PCDHGB3: variants seen among roughly 807,000 people sequenced by gnomAD.
The protein encoded by PCDHGB3 is protocadherin gamma subfamily B, 3.
A neutral mutation model predicts 59.2 loss-of-function variants in PCDHGB3; 40 were observed. The observed-to-expected ratio is 0.68, with a 90% CI of 0.52 to 0.88. The LOEUF is 0.88. Among genes scored for constraint, PCDHGB3 ranks in the 40% least tolerant of loss-of-function variants. The pLI is 0.00. For synonymous variants in PCDHGB3, 581 were observed against 503.6 expected, an observed-to-expected ratio of 1.15 and a Z score of -2.06; for missense variants, 1,309 against 1,187.9, an observed-to-expected ratio of 1.10 and a Z score of -1.50.
chr5:141,409,047 G>A, intron 1 of PCDHGB3: 1 of 1,613,982 alleles, frequency 6.2e-7, no homozygotes, highest in Non-Finnish European at 8.5e-7. Context: ...TACTACTTCC[G>A]AAGCACTGCC....
chr5:141,383,584 C>T, intron 1 of PCDHGB3: 2 of 1,613,678 alleles, frequency 1.2e-6, no homozygotes, highest in Non-Finnish European at 1.7e-6. Flanking sequence ...CGCCCACATC[C>T]AGGTGACAGT....
intron 1 of PCDHGB3, chr5:141,416,359 A>G (rs1215806118): frequency 6.6e-6 from 1 of 152,228 alleles, no homozygotes; most frequent in Non-Finnish European, 1.5e-5. Flanking sequence ...TGAGGAGGCT[A>G]TAGAGGGTGA....
rs1406362621 is a variant in PCDHGB3, at chr5:141,477,099, G to A, written c.2416-17708G>A. On this transcript the variant is annotated intron_variant, in intron 1 of 3. Transcript: ENST00000576222. This position sits in a 1 kb window ranked among gnomAD's most constrained non-coding sequence, Gnocchi z 4.9. ...ATTTACATCCAGGCCAAAGACAAGG[G>A]CGCCAATCCCGAAGGAGCACATTGC... The A allele has an allele frequency of 6.2e-7, 1 of 1,614,256 alleles. No individual in the cohort carries two copies. Among genetic ancestry groups the A allele is most frequent in the Non-Finnish European group, 8.5e-7 (1 of 1,180,054 alleles).
intron 1 of PCDHGB3, chr5:141,417,692 C>A: frequency 9.2e-7 from 1 of 1,089,116 alleles, no homozygotes; most frequent in Non-Finnish European, 1.3e-6. Context: ...AAAAGAAAAC[C>A]AGCTCCCACA....
intron 1 of PCDHGB3, among the ~76,000 whole-genome samples, chr5:141,407,024 A>G (rs909800590): frequency 6.6e-6 from 1 of 152,232 alleles, no homozygotes; most frequent in Non-Finnish European, 1.5e-5. Context: ...TCAAAATTCT[A>G]TGCTAAACAT....
intron 1 of PCDHGB3, chr5:141,430,640 G>A (rs902915974): frequency 1.1e-6 from 1 of 916,196 alleles, no homozygotes; most frequent in East Asian, 2.7e-5. Flanking sequence ...ATCCCTGGGA[G>A]TATGTGGAAA....
At chr5:141,376,259 C>T (rs2150078832) in intron 1 of PCDHGB3, 1 of 1,614,236 alleles carries the variant, frequency 6.2e-7, no homozygotes, top group African/African-American at 1.3e-5. Context: ...ACGCCTGCTG[C>T]AGGCTTCGGG....
At chr5:141,506,252 C>T (rs1158047426) in intron 3 of PCDHGB3, among the ~76,000 whole-genome samples, 1 of 151,968 alleles carries the variant, frequency 6.6e-6, no homozygotes, top group African/African-American at 2.4e-5. Flanking sequence ...AGTTCGAAAC[C>T]GGCCTGGCCA....
At chr5:141,379,889 CTTTTTTTTTTTTTTTTTTT>C (rs70988800) in intron 1 of PCDHGB3, among the ~76,000 whole-genome samples, 3 of 50,830 alleles carry the variant, frequency 5.9e-5, no homozygotes, top group African/African-American at 1.3e-4. Flanking sequence ...GTGAAAGCCT[CTTTTTTTTTTTTTTTTTTT>C]TTTTTTTTTT....
chr5:141,394,536 G>C (rs2093028301), intron 1 of PCDHGB3: 2 of 1,614,070 alleles, frequency 1.2e-6, no homozygotes. Flanking sequence ...TTCCACTGGC[G>C]TGGAGCTGGC....
At chr5:141,405,277 T>C (rs770051288) in intron 1 of PCDHGB3, 5 of 1,614,196 alleles carry the variant, frequency 3.1e-6, no homozygotes, top group Non-Finnish European at 4.2e-6. Context: ...AGCCCAACTA[T>C]GCAGACACAC....
At chr5:141,423,342 C>A in intron 1 of PCDHGB3, 1 of 1,613,824 alleles carries the variant, frequency 6.2e-7, no homozygotes, top group South Asian at 1.1e-5. Flanking sequence ...CCTGCATCTT[C>A]CTGGTCTTTG....
chr5:141,376,525 T>C (rs1772783963), intron 1 of PCDHGB3: 1 of 1,613,730 alleles, frequency 6.2e-7, no homozygotes, highest in Non-Finnish European at 8.5e-7. Context: ...TCTTTCCGCC[T>C]AAGCGGGAAG....
At chr5:141,390,674 T>C (rs1389887545) in intron 1 of PCDHGB3, 1 of 189,116 alleles carries the variant, frequency 5.3e-6, no homozygotes, top group East Asian at 1.5e-4. Flanking sequence ...ATAAAAATAA[T>C]AAAGCCAAAG....
chr5:141,465,048 A>AT (rs905091014), intron 1 of PCDHGB3, among the ~76,000 whole-genome samples: 18 of 151,226 alleles, frequency 1.2e-4, no homozygotes, highest in African/African-American at 4.4e-4. Context: ...GACCCTATAT[A>AT]TTTTTTTGAA....
At position 141,476,418 on chromosome 5, in the gene PCDHGB3, T is replaced by C. The variant is rs201255025; in HGVS notation, c.2416-18389T>C. On this transcript the variant is annotated intron_variant, in intron 1 of 3. Transcript: ENST00000576222. This position sits in a 1 kb window ranked among gnomAD's most constrained non-coding sequence, Gnocchi z 7.6. The stretch of plus-strand genomic sequence containing the variant: ...GATCGAGAGGAGCTGTGTGGGACAC[T>C]GCCCTCTTGCACTGTAACTCTGGAG... 6.2e-7 allele frequency: 1 copy of C among 1,614,122 alleles called. No individual in the cohort carries two copies. Among genetic ancestry groups the C allele is most frequent in the Non-Finnish European group, 8.5e-7 (1 of 1,180,002 alleles).
chr5:141,431,178 TAA>T lies in PCDHGB3; in HGVS notation c.2415+58373_2415+58374del. On this transcript the variant is annotated intron_variant, in intron 1 of 3. Transcript: ENST00000576222. This position sits in a 1 kb window ranked among gnomAD's most constrained non-coding sequence, Gnocchi z 4.8. ...TACTTTCGTGAAAGTGAATTAGAAA[TAA>T]AAATTAGTGAAAATGCAGCCACTGA... is the stretch of plus-strand genomic sequence containing the variant. 1 of 1,614,078 alleles carries T rather than the reference TAA, an allele frequency of 6.2e-7. No homozygotes were observed. Among genetic ancestry groups the T allele is most frequent in the Non-Finnish European group, 8.5e-7 (1 of 1,180,000 alleles).
intron 1 of PCDHGB3, chr5:141,419,774 C>T (rs2096431329): frequency 6.2e-7 from 1 of 1,613,902 alleles, no homozygotes; most frequent in Admixed American, 1.7e-5. Flanking sequence ...GGACTCGGTC[C>T]GCCAGCGCCT....
chr5:141,416,699 T>C (rs1232694721), intron 1 of PCDHGB3: 1 of 152,092 alleles, frequency 6.6e-6, no homozygotes, highest in Non-Finnish European at 1.5e-5. Context: ...AAACAAAGGA[T>C]CATTGGAGGT....
Sources: gnomAD v4.1 joint callset for allele counts (sites outside exome capture counted in the v4.1 genomes callset) on GRCh38, gnomAD v4.1.1 for gene constraint, Gnocchi (gnomAD v3.1) non-coding constraint, MANE v1.5 for transcripts, NCBI Gene and HGNC (gene_info 2026-07-23, HGNC 2026-07-21) for gene names.